GMDS: variants seen among roughly 807,000 people sequenced by gnomAD.
The protein encoded by GMDS is GDP-mannose 4,6 dehydratase.
GMDS carries 20 observed loss-of-function variants against 49.9 expected under a neutral mutation model. The observed-to-expected ratio is 0.40, with a 90% CI of 0.28 to 0.58. The LOEUF is 0.58. GMDS is among the 20% of genes least tolerant of loss of function. The pLI is 0.42. For synonymous variants in GMDS, 177 were observed against 178.6 expected, an observed-to-expected ratio of 0.99 and a Z score of 0.07; for missense variants, 362 against 481.4, an observed-to-expected ratio of 0.75 and a Z score of 2.32.
intron 4 of GMDS, among the ~76,000 whole-genome samples, chr6:2,018,155 C>T (rs1768023653): frequency 6.6e-6 from 1 of 152,196 alleles, no homozygotes; most frequent in Middle Eastern, 3.4e-3. Flanking sequence ...TTAATTTGAA[C>T]CTTCTCTATC....
At chr6:1,655,290 G>A (rs547227564) in intron 9 of GMDS, among the ~76,000 whole-genome samples, 482 of 152,130 alleles carry the variant, frequency 3.2e-3, no homozygotes, top group African/African-American at 0.011. Flanking sequence ...CTGGGTAAAC[G>A]AAATTTTAAA....
chr6:2,187,824 T>A (rs565255048), intron 1 of GMDS, among the ~76,000 whole-genome samples: 1 of 152,220 alleles, frequency 6.6e-6, no homozygotes, highest in Non-Finnish European at 1.5e-5. Flanking sequence ...GAGACTGTTA[T>A]TTAAAAAGGG....
At chr6:2,150,605 A>G (rs1323283259) in intron 1 of GMDS, among the ~76,000 whole-genome samples, 5 of 152,174 alleles carry the variant, frequency 3.3e-5, no homozygotes, top group African/African-American at 1.2e-4. Flanking sequence ...TTAGGGCTTC[A>G]CACCCTAAAG....
chr6:1,846,742 G>A (rs959943937), intron 7 of GMDS, among the ~76,000 whole-genome samples: 6 of 152,254 alleles, frequency 3.9e-5, no homozygotes, highest in African/African-American at 1.4e-4. Flanking sequence ...GACAGTGAGA[G>A]ATGTGGCCAG....
chr6:2,098,225 A>T (rs1326868607), intron 4 of GMDS, among the ~76,000 whole-genome samples: 1 of 152,066 alleles, frequency 6.6e-6, no homozygotes, highest in Non-Finnish European at 1.5e-5. Flanking sequence ...CACCCGGCTA[A>T]TTTTTATATT....
At chr6:2,200,261 G>A (rs1779450272) in intron 1 of GMDS, among the ~76,000 whole-genome samples, 1 of 152,160 alleles carries the variant, frequency 6.6e-6, no homozygotes, top group Admixed American at 6.5e-5. Flanking sequence ...GTAAGAGAGT[G>A]GAAGGGATGG....
chr6:1,695,184 C>T (rs1442520127), intron 9 of GMDS, among the ~76,000 whole-genome samples: 7 of 152,258 alleles, frequency 4.6e-5, no homozygotes, highest in African/African-American at 1.7e-4. Flanking sequence ...CACAATATAC[C>T]ACCAGTTCAC....
At chr6:1,627,987 C>G (rs1169844373) in intron 9 of GMDS, among the ~76,000 whole-genome samples, 1 of 152,208 alleles carries the variant, frequency 6.6e-6, no homozygotes, top group Non-Finnish European at 1.5e-5. Context: ...GGAGCAATGT[C>G]TCCGTCCACA....
chr6:1,835,934 G>T (rs899935804), intron 7 of GMDS, among the ~76,000 whole-genome samples: 3 of 152,024 alleles, frequency 2.0e-5, no homozygotes, highest in African/African-American at 7.2e-5. Context: ...GCCCAGGCAG[G>T]AGTGCAGTAG....
rs142170258 is a variant in GMDS, at chr6:2,154,017, T to C, written c.103-29286A>G. ...CTTTATATACAGTTTGATTTTTGCC[T>C]TGTCCATACAATACTTTCATTAAAA... On this transcript the variant is annotated intron_variant, in intron 1 of 10. Transcript: ENST00000380815. Among the ~76,000 whole-genome samples the C allele has an allele frequency of 1.2e-3, 178 of 152,298 alleles. 1 individual carries two copies. The highest frequency in any genetic ancestry group is 0.01 in the Admixed American group (155 of 15,302).
chr6:2,085,116 A>T (rs1424296499), intron 4 of GMDS, among the ~76,000 whole-genome samples: 2 of 152,146 alleles, frequency 1.3e-5, no homozygotes, highest in Non-Finnish European at 2.9e-5. Flanking sequence ...AACCAATGTC[A>T]TGAGATCCTT....
rs1034053464 is a variant in GMDS at position 2,086,278 on chromosome 6, A to G, written c.345+29493T>C. 4.6e-5 allele frequency among the ~76,000 whole-genome samples: 7 copies of G among 152,216 alleles called. No homozygotes were observed. In the South Asian group the frequency reaches 1.0e-3, roughly 23 times the overall value. On this transcript the variant is annotated intron_variant, in intron 4 of 10. Transcript: ENST00000380815. ...ACTGACCTAGAGGCTGGCAGTTTCA[A>G]TGAAACCCTGCCTCCCCTTTCTTCT... is the stretch of plus-strand genomic sequence containing the variant.
At chr6:1,935,187 C>G (rs1762466235) in intron 6 of GMDS, among the ~76,000 whole-genome samples, 1 of 152,138 alleles carries the variant, frequency 6.6e-6, no homozygotes, top group African/African-American at 2.4e-5. Flanking sequence ...TAGTAACCAG[C>G]TGTGATATCT....
At chr6:2,131,500 A>G (rs1173373387) in intron 1 of GMDS, among the ~76,000 whole-genome samples, 1 of 152,340 alleles carries the variant, frequency 6.6e-6, no homozygotes, top group Non-Finnish European at 1.5e-5. Context: ...CTATGATGGT[A>G]TGAAAACGGT....
Position 1,792,344 on chromosome 6 carries a change from A to T in GMDS, c.772-49758T>A, listed in dbSNP as rs576178202. Among the ~76,000 whole-genome samples, 7 of 152,018 alleles carry T rather than the reference A, an allele frequency of 4.6e-5. No individual in the cohort carries two copies. The East Asian group carries it at 1.4e-3, about 29-fold the overall frequency. Reference sequence around the variant, plus strand: ...CCAATGTAATTTTTCATACCTTCAAACCTGTCAGAGAACCTACTGCTTCCT... The same window carrying T: ...CCAATGTAATTTTTCATACCTTCAATCCTGTCAGAGAACCTACTGCTTCCT... On this transcript the variant is annotated intron_variant, in intron 7 of 10. Transcript: ENST00000380815.
At chr6:2,112,016 C>T (rs1281194551) in intron 4 of GMDS, among the ~76,000 whole-genome samples, 1 of 152,190 alleles carries the variant, frequency 6.6e-6, no homozygotes, top group Non-Finnish European at 1.5e-5. Flanking sequence ...TCACATGGCG[C>T]CATCATCCCA....
intron 8 of GMDS, among the ~76,000 whole-genome samples, chr6:1,736,934 C>T (rs1437886934): frequency 1.3e-5 from 2 of 152,136 alleles, no homozygotes; most frequent in African/African-American, 4.8e-5. Context: ...CAGGATCCAC[C>T]CCCTGGAACC....
intron 7 of GMDS, among the ~76,000 whole-genome samples, chr6:1,922,642 A>G (rs1761775022): frequency 6.6e-6 from 1 of 152,056 alleles, no homozygotes; most frequent in Non-Finnish European, 1.5e-5. Flanking sequence ...GCCTATAAAG[A>G]CCCCAGACTC....
chr6:1,676,770 G>C (rs12181697), intron 9 of GMDS, among the ~76,000 whole-genome samples: 50,643 of 151,798 alleles, frequency 0.33, 8,829 homozygotes, highest in Middle Eastern at 0.47. Context: ...ACATCTTATA[G>C]AAAAATTAAT....
Sources: allele counts gnomAD v4.1 joint callset (sites outside exome capture counted in the v4.1 genomes callset), GRCh38; gene constraint gnomAD v4.1.1; transcripts MANE v1.5; gene names NCBI Gene and HGNC (gene_info 2026-07-23, HGNC 2026-07-21).